The following ATP5PO variants were observed in gnomAD, a reference collection of about 807,000 sequenced individuals.
ATP5PO encodes the protein ATP synthase peripheral stalk subunit OSCP, mitochondrial.
Under a neutral mutation model 26.2 loss-of-function variants are expected in ATP5PO, and 14 were observed. The observed-to-expected ratio is 0.53, with a 90% CI of 0.35 to 0.83. The LOEUF (loss-of-function observed/expected upper bound fraction) is 0.83, where lower values mean the gene tolerates loss of function less well. Ranked by LOEUF, ATP5PO falls within the 40% of genes least tolerant of loss-of-function variation. The pLI, the probability that ATP5PO is intolerant of heterozygous loss-of-function variation, is 0.01. For synonymous variants in ATP5PO, 106 were observed against 95.1 expected, an observed-to-expected ratio of 1.12 and a Z score of -0.67; for missense variants, 241 against 258.5, an observed-to-expected ratio of 0.93 and a Z score of 0.46.
intron 1 of ATP5PO, chr21:33,914,734 T>C (rs1207157792): frequency 2.0e-6 from 1 of 500,320 alleles, no homozygotes; most frequent in East Asian, 3.3e-5. Context: ...CCTAGTTTGC[T>C]AGGAATGGAC....
intron 2 of ATP5PO, among the ~76,000 whole-genome samples, 190 bp from the exon 3 acceptor site, chr21:33,912,589 G>T (rs1417988668): frequency 6.6e-6 from 1 of 152,162 alleles, no homozygotes; most frequent in African/African-American, 2.4e-5. Flanking sequence ...TCCTTGGTCA[G>T]GTCACTCAAT....
Position 33,909,159 on chromosome 21 carries a change from T to C in ATP5PO, c.251A>G (p.Lys84Arg). The C allele has an allele frequency of 1.2e-6, 2 of 1,613,862 alleles. No homozygotes were observed. Among genetic ancestry groups the C allele is most frequent in the Non-Finnish European group, 8.5e-7 (1 of 1,179,712 alleles). Residue 84 changes from lysine (K) to arginine (R), a missense_variant, in exon 4 of 7, where the codon AAG becomes AGG. Transcript: ENST00000290299. The part of the protein sequence containing the change: ...VAASVLNPYV[K>R]RSIKVKSLND... ...TAGGCTTTTCACTTTAATGGAACGC[T>C]TCACATAGGGATTCAAAACAGAAGC...
In ATP5PO at chr21:33,914,430, A is replaced by G. The variant is rs763064697; in HGVS notation, c.87+20T>C. 19 of 1,608,108 alleles carry G rather than the reference A, an allele frequency of 1.2e-5. No homozygotes were observed. The African/African-American group carries it at 1.5e-4, about 12-fold the overall frequency. On this transcript the variant is annotated intron_variant, in intron 2 of 6. Coordinates refer to ENST00000290299, the MANE Select transcript of ATP5PO (RefSeq NM_001697.3). The stretch of plus-strand genomic sequence containing the variant: ...ACTTTCGCGTACTTTATCATTACAG[A>G]AGAATATAAATTAACATACCCTCAC...
At chr21:33,908,036 C>T (rs982498557) in intron 4 of ATP5PO, among the ~76,000 whole-genome samples, 5 of 150,718 alleles carry the variant, frequency 3.3e-5, no homozygotes, top group African/African-American at 7.3e-5. Context: ...AAATTAGTGG[C>T]GCATGCGCGC....
chr21:33,909,408 T>G (rs1279542166), intron 3 of ATP5PO, among the ~76,000 whole-genome samples, 197 bp from the exon 4 acceptor site: 1 of 151,610 alleles, frequency 6.6e-6, no homozygotes, highest in Non-Finnish European at 1.5e-5. Context: ...GCCTCCCGAA[T>G]AGCTGCACCA....
intron 3 of ATP5PO, among the ~76,000 whole-genome samples, chr21:33,911,666 T>TTTTTTTTTG: frequency 7.4e-6 from 1 of 135,338 alleles, no homozygotes; most frequent in Non-Finnish European, 1.7e-5. Context: ...GCATAGGTTT[T>TTTTTTTTTG]TTTTTTTTTT....
chr21:33,912,489 T>A (rs1316386878), intron 2 of ATP5PO, 90 bp from the exon 3 acceptor site: 10 of 823,786 alleles, frequency 1.2e-5, no homozygotes, highest in Non-Finnish European at 1.8e-5. Context: ...ATTTATATTT[T>A]AAAAAATGTA....
chr21:33,907,859 A>G (rs950275907), intron 4 of ATP5PO, among the ~76,000 whole-genome samples: 2 of 152,334 alleles, frequency 1.3e-5, no homozygotes, highest in Admixed American at 6.5e-5. Flanking sequence ...TTCTTTAACA[A>G]TGTGAATGGA....
At chr21:33,906,656 CCTT>C in intron 5 of ATP5PO, 1 of 456,264 alleles carries the variant, frequency 2.2e-6, no homozygotes, top group Middle Eastern at 3.3e-4. Context: ...CGGCTCTACT[CCTT>C]CCCACTCACC....
At chr21:33,912,770 C>A (rs924167973) in intron 2 of ATP5PO, among the ~76,000 whole-genome samples, 11 of 152,190 alleles carry the variant, frequency 7.2e-5, no homozygotes, top group Admixed American at 6.5e-4. Flanking sequence ...AGGTTGTGAA[C>A]ACTGATAGAC....
chr21:33,908,866 G>A, intron 4 of ATP5PO: 1 of 475,306 alleles, frequency 2.1e-6, no homozygotes, highest in Non-Finnish European at 3.6e-6. Flanking sequence ...TTAGGTCCTA[G>A]TATCCTTTAG....
chr21:33,909,029 C>T lies in ATP5PO; in HGVS notation c.328+53G>A, dbSNP rs1987212183. On this transcript the variant is annotated intron_variant, in intron 4 of 6. Transcript: ENST00000290299. ...GATGCCGCCCACAGTCCATGGACCA[C>T]ATTTCCAGTCATAGTTTCAAGACAC... The T allele has an allele frequency of 3.9e-6, 6 of 1,534,516 alleles. No homozygotes were observed. The South Asian group carries it at 6.0e-5, about 15-fold the overall frequency.
intron 1 of ATP5PO, chr21:33,915,406 T>G (rs1987300516): frequency 4.8e-6 from 2 of 419,440 alleles, no homozygotes; most frequent in South Asian, 3.4e-5. Flanking sequence ...GGAAGCTGAT[T>G]TGGGGGCTAG....
In ATP5PO at chr21:33,912,382, G is replaced by A. The variant is rs139186548; in HGVS notation, c.105C>T (p.Tyr35=). The A allele has an allele frequency of 2.3e-4, 370 of 1,610,696 alleles. 1 individual carries two copies. Among genetic ancestry groups the A allele is most frequent in the Admixed American group, 7.5e-4 (45 of 59,906 alleles). Residue 35 remains tyrosine, a synonymous_variant, in exon 3 of 7, where the codon TAC becomes TAT. Coordinates refer to ENST00000290299, the MANE Select transcript of ATP5PO (RefSeq NM_001697.3). ...CTGTGGCATAGCGACCTTCAATACC[G>A]TATACCTGAACAGGAGGCTTTAAAA... ...AKLVRPPVQV[Y]GIEGRYATAL...
At chr21:33,907,574 C>T (rs1029049772) in intron 4 of ATP5PO, 121 bp from the exon 5 acceptor site, 38 of 752,906 alleles carry the variant, frequency 5.0e-5, no homozygotes, top group African/African-American at 1.7e-4. Context: ...TATACAGGGG[C>T]GCATGCCTAT....
intron 5 of ATP5PO, among the ~76,000 whole-genome samples, chr21:33,904,304 G>A (rs1471377937): frequency 6.6e-6 from 1 of 152,216 alleles, no homozygotes; most frequent in Non-Finnish European, 1.5e-5. Flanking sequence ...CTGTGTGCTA[G>A]CAGTACAACT....
intron 4 of ATP5PO, among the ~76,000 whole-genome samples, chr21:33,907,817 T>G (rs1987193422): frequency 6.6e-6 from 1 of 152,046 alleles, no homozygotes. Context: ...CAGAGCAAGA[T>G]CTTGTCTCTT....
intron 5 of ATP5PO, among the ~76,000 whole-genome samples, chr21:33,904,418 A>G (rs531109346): frequency 9.2e-5 from 14 of 152,282 alleles, no homozygotes; most frequent in African/African-American, 3.1e-4. Context: ...TGGGGACACG[A>G]CATGCATCTA....
intron 3 of ATP5PO, among the ~76,000 whole-genome samples, chr21:33,911,683 T>TC (rs1195073663): frequency 1.4e-5 from 2 of 147,084 alleles, no homozygotes; most frequent in African/African-American, 5.0e-5. Flanking sequence ...TTTTTTTTTT[T>TC]TTTGAGACGG....
Sources: allele counts gnomAD v4.1 joint callset (sites outside exome capture counted in the v4.1 genomes callset), GRCh38; gene constraint gnomAD v4.1.1; transcripts MANE v1.5; gene names NCBI Gene and HGNC (gene_info 2026-07-23, HGNC 2026-07-21).